NRXN1: variants seen among roughly 807,000 people sequenced by gnomAD.
NRXN1 encodes neurexin-1.
NRXN1 carries 39 observed loss-of-function variants against 150.9 expected under a neutral mutation model. The observed-to-expected ratio is 0.26, with a 90% CI of 0.20 to 0.34. The LOEUF is 0.34. Among genes scored for constraint, NRXN1 ranks in the 10% least tolerant of loss-of-function variants. NRXN1 has a pLI of 1.00. For synonymous variants in NRXN1, 924 were observed against 757.0 expected, an observed-to-expected ratio of 1.22 and a Z score of -3.62; for missense variants, 1,815 against 1,949.9, an observed-to-expected ratio of 0.93 and a Z score of 1.30.
chr2:50,438,134 C>G (rs2085611376), intron 17 of NRXN1, among the ~76,000 whole-genome samples: 1 of 152,146 alleles, frequency 6.6e-6, no homozygotes, highest in Non-Finnish European at 1.5e-5. Context: ...AAAAATTTTC[C>G]CAGGTCATGG....
At chr2:50,053,705 G>A in intron 20 of NRXN1, 115 bp from the exon 21 acceptor site, 9 of 1,045,468 alleles carry the variant, frequency 8.6e-6, no homozygotes, top group Non-Finnish European at 1.3e-5. Context: ...AACTATAAGA[G>A]AGGCATTTGA....
rs560369021 is a variant in NRXN1 at position 50,163,140 on chromosome 2, G to A, written c.3547-71646C>T. ...AAAATAATTTCAACTATATATAACA[G>A]TTATAGATCTATCAATCCAAAATGT... On this transcript the variant is annotated intron_variant, in intron 18 of 22. Transcript: ENST00000401669. 8.6e-5 allele frequency among the ~76,000 whole-genome samples: 10 copies of A among 116,744 alleles called. No individual in the cohort carries two copies. In the Admixed American group the frequency reaches 9.5e-4, roughly 11 times the overall value. 76.6% of individuals were successfully genotyped at this position (116,744 alleles called of 152,430 possible). A position where few individuals can be genotyped will look rare whatever the true frequency, so the allele number is the denominator to read the frequency against.
At chr2:50,170,718 C>T (rs764547577) in intron 18 of NRXN1, among the ~76,000 whole-genome samples, 6 of 151,524 alleles carry the variant, frequency 4.0e-5, no homozygotes, top group African/African-American at 4.9e-5. Context: ...CCGGTTCAAG[C>T]ATTTTGGATA....
intron 8 of NRXN1, among the ~76,000 whole-genome samples, chr2:50,605,910 A>G (rs1490541319): frequency 2.0e-5 from 3 of 152,156 alleles, no homozygotes; most frequent in African/African-American, 7.2e-5. Context: ...CCATTGATGG[A>G]TGACTGGATT....
At chr2:50,415,191 G>T (rs1292864411) in intron 17 of NRXN1, among the ~76,000 whole-genome samples, 1 of 151,930 alleles carries the variant, frequency 6.6e-6, no homozygotes, top group African/African-American at 2.4e-5. Context: ...CTAACTGAAG[G>T]TCTTTCTATA....
Position 50,990,217 on chromosome 2 carries a change from A to G in NRXN1, c.772+37285T>C, listed in dbSNP as rs368400264. ...ATTTAGGATAGGCATGTATTATTCA[A>G]TATCAATTTGCAAACATTTTCTTCT... is the stretch of plus-strand genomic sequence containing the variant. On this transcript the variant is annotated intron_variant, in intron 2 of 22. Transcript: ENST00000401669. 3.9e-5 allele frequency among the ~76,000 whole-genome samples: 6 copies of G among 152,004 alleles called. No homozygotes were observed. The East Asian group carries it at 1.2e-3, about 29-fold the overall frequency.
rs193194806 is a variant in NRXN1, at chr2:50,812,057, T to C, written c.832+109812A>G. Among the ~76,000 whole-genome samples, 16 of 152,232 alleles carry C rather than the reference T, an allele frequency of 1.1e-4. No homozygotes were observed. In the East Asian group the frequency reaches 3.1e-3, roughly 29 times the overall value. On this transcript the variant is annotated intron_variant, in intron 5 of 22. Coordinates refer to ENST00000401669, the MANE Select transcript of NRXN1 (RefSeq NM_001330078.2). ...AGATGTTAAGTCTTACCTCTGCATG[T>C]GTGCATTGAGAAACCAGATGAAAAA... is the stretch of plus-strand genomic sequence containing the variant.
At chr2:50,465,673 C>G (rs938659368) in intron 16 of NRXN1, 112 bp from the exon 17 acceptor site, 24 of 1,192,072 alleles carry the variant, frequency 2.0e-5, no homozygotes, top group African/African-American at 3.1e-5. Flanking sequence ...TATGTCCAAA[C>G]TAGTTTTTAA....
intron 5 of NRXN1, among the ~76,000 whole-genome samples, chr2:50,647,214 A>G (rs905451539): frequency 5.3e-5 from 8 of 152,050 alleles, no homozygotes; most frequent in African/African-American, 1.4e-4. Context: ...AAACTTACAG[A>G]TAGTAGGCCC....
intron 17 of NRXN1, among the ~76,000 whole-genome samples, chr2:50,399,160 ATTT>A (rs34257124): frequency 1.3e-5 from 2 of 152,096 alleles, no homozygotes; most frequent in East Asian, 3.9e-4. Flanking sequence ...GGCTTTAGTA[ATTT>A]TTTAAGAGAC....
At chr2:50,305,273 A>G (rs1048605731) in intron 17 of NRXN1, among the ~76,000 whole-genome samples, 3 of 152,204 alleles carry the variant, frequency 2.0e-5, no homozygotes, top group African/African-American at 7.2e-5. Context: ...TATTTATATA[A>G]TATTATCCCC....
chr2:49,957,124 T>A (rs979182182), intron 21 of NRXN1, among the ~76,000 whole-genome samples: 2 of 152,150 alleles, frequency 1.3e-5, no homozygotes, highest in African/African-American at 4.8e-5. Flanking sequence ...CTACTGAGCA[T>A]GGAAGGAGCA....
At chr2:50,548,064 T>C (rs557089060) in intron 9 of NRXN1, 5 of 152,296 alleles carry the variant, frequency 3.3e-5, no homozygotes, top group South Asian at 2.1e-4. Flanking sequence ...TATACCCCTT[T>C]CAGTGAACTA....
intron 17 of NRXN1, among the ~76,000 whole-genome samples, chr2:50,258,298 C>T (rs547466219): frequency 6.6e-6 from 1 of 152,182 alleles, no homozygotes; most frequent in African/African-American, 2.4e-5. Flanking sequence ...GCTTTTTCAA[C>T]TAAGTTTATG....
At chr2:50,097,927 C>G (rs1417893273) in intron 18 of NRXN1, among the ~76,000 whole-genome samples, 2 of 152,138 alleles carry the variant, frequency 1.3e-5, no homozygotes, top group African/African-American at 4.8e-5. Context: ...GTGTGAGCCA[C>G]TGCCCCCAGC....
At position 50,748,142 on chromosome 2, in the gene NRXN1, T is replaced by C. The variant is rs538276558; in HGVS notation, c.833-124527A>G. 5.3e-5 allele frequency among the ~76,000 whole-genome samples: 8 copies of C among 152,272 alleles called. No individual in the cohort carries two copies. The South Asian group carries it at 1.7e-3, about 32-fold the overall frequency. ...AGGCTTGGCAGAGTTTAGTGCGATATCAGAGGTCACACCTCTAGTAATAAC... is the reference window on the plus strand; with the variant it reads ...AGGCTTGGCAGAGTTTAGTGCGATACCAGAGGTCACACCTCTAGTAATAAC... On this transcript the variant is annotated intron_variant, in intron 5 of 22. Coordinates refer to ENST00000401669, the MANE Select transcript of NRXN1 (RefSeq NM_001330078.2).
intron 17 of NRXN1, among the ~76,000 whole-genome samples, chr2:50,410,294 T>G (rs1369176631): frequency 6.6e-6 from 1 of 152,242 alleles, no homozygotes; most frequent in Non-Finnish European, 1.5e-5. Flanking sequence ...AAGCTTGCAC[T>G]GCTATCAGAC....
At chr2:50,002,813 C>G (rs769143651) in intron 21 of NRXN1, among the ~76,000 whole-genome samples, 1 of 152,098 alleles carries the variant, frequency 6.6e-6, no homozygotes, top group Non-Finnish European at 1.5e-5. Flanking sequence ...GCCAGCTCAA[C>G]TCTCTCTTCT....
chr2:50,344,241 T>A (rs2077761510), intron 17 of NRXN1, among the ~76,000 whole-genome samples: 1 of 152,184 alleles, frequency 6.6e-6, no homozygotes, highest in South Asian at 2.1e-4. Context: ...CCTGAGAGGC[T>A]TATTTTTTAT....
Sources: gnomAD v4.1 joint callset for allele counts (sites outside exome capture counted in the v4.1 genomes callset) on GRCh38, gnomAD v4.1.1 for gene constraint, MANE v1.5 for transcripts, NCBI Gene and HGNC (gene_info 2026-07-23, HGNC 2026-07-21) for gene names.